PVALEF: variants seen among roughly 807,000 people sequenced by gnomAD.
PVALEF encodes parvalbumin like EF-hand containing, also known as parvalbumin-like EF-hand-containing protein.
PVALEF carries 2 observed loss-of-function variants against 1.2 expected under a neutral mutation model. The observed-to-expected ratio is 1.68, with a 90% confidence interval of 0.69 to 5.28. PVALEF has a LOEUF of 5.28. Among genes scored for constraint, PVALEF ranks in the 30% most tolerant of loss-of-function variants. The pLI is 0.06. For missense variants in PVALEF, 35 were observed against 17.7 expected (o/e 1.97, Z -1.75); for synonymous variants, 16 against 6.5 (o/e 2.47, Z -2.24).
intron 3 of PVALEF, 56 bp from the exon 4 acceptor site, chr17:81,181,067 C>T (rs972546116): frequency 3.1e-5 from 17 of 548,544 alleles, no homozygotes; most frequent in African/African-American, 1.5e-4. Context: ...CAGCATGTCT[C>T]GGGGCCCTGG....
In PVALEF at chr17:81,179,886, AG is replaced by A. The variant is rs34495615; in HGVS notation, c.-105+737del. Among the ~76,000 whole-genome samples the A allele has an allele frequency of 8.3e-3, 1,269 of 152,172 alleles. 4 individuals carry two copies. The highest frequency in any genetic ancestry group is 0.011 in the Non-Finnish European group (734 of 67,988). On this transcript the variant is annotated intron_variant, in intron 3 of 6. Transcript: ENST00000637878. Reference sequence around the variant, plus strand: ...ATCTCTAGCTGTGGAGGGTGGGTAAAGGGAGTGGGGAAACAGAGGCCTTTTG... The same window carrying A: ...ATCTCTAGCTGTGGAGGGTGGGTAAAGGAGTGGGGAAACAGAGGCCTTTTG...
intron 2 of PVALEF, among the ~76,000 whole-genome samples, chr17:81,177,470 C>T (rs1206895552): frequency 6.6e-6 from 1 of 151,042 alleles, no homozygotes; most frequent in African/African-American, 2.4e-5. Context: ...ACTGCTTGAA[C>T]CCGGGAGGCG....
chr17:81,174,675 C>T (rs1177065818), intron 2 of PVALEF, among the ~76,000 whole-genome samples: 6 of 145,344 alleles, frequency 4.1e-5, no homozygotes, highest in Middle Eastern at 4.1e-3. Flanking sequence ...GTTTGCCAGG[C>T]GCGGTGGCTC....
chr17:81,181,900 G>A (rs1191747285), intron 5 of PVALEF, 66 bp from the exon 6 acceptor site: 18 of 398,194 alleles, frequency 4.5e-5, no homozygotes, highest in South Asian at 2.6e-4. Context: ...GGGGGCGAAC[G>A]GCTCGTGAGT....
intron 1 of PVALEF, 92 bp from the exon 2 acceptor site, chr17:81,166,585 C>T (rs1237197742): frequency 4.8e-6 from 2 of 412,552 alleles, no homozygotes. Context: ...GGGGGTACTC[C>T]TAGGTGGAAA....
intron 2 of PVALEF, among the ~76,000 whole-genome samples, chr17:81,168,666 A>G (rs1477724695): frequency 6.6e-6 from 1 of 152,120 alleles, no homozygotes; most frequent in East Asian, 1.9e-4. Flanking sequence ...GAAGGAGCTG[A>G]CCGAGGAGCC....
intron 2 of PVALEF, among the ~76,000 whole-genome samples, chr17:81,177,492 G>T (rs1038594625): frequency 4.6e-5 from 7 of 150,976 alleles, no homozygotes; most frequent in African/African-American, 1.7e-4. Context: ...AGGTTGCAGG[G>T]CCGAGATCAC....
In PVALEF at chr17:81,179,170, G is replaced by T. The variant is rs776456348; in HGVS notation, c.-105+18G>T. ...AGGCAGAGGTAAGCCCTGCCAAGGA[G>T]GGGGGTGTGGGTCTCTGGCCGCTGA... On this transcript the variant is annotated intron_variant, in intron 3 of 6. Transcript: ENST00000637878. The T allele has an allele frequency of 2.8e-5, 9 of 326,344 alleles. No individual in the cohort carries two copies. Among genetic ancestry groups the T allele is most frequent in the South Asian group, 1.1e-4 (5 of 45,180 alleles). 20.2% of individuals were successfully genotyped at this position (326,344 alleles called of 1,614,324 possible).
intron 1 of PVALEF, chr17:81,166,137 G>T: frequency 3.3e-6 from 1 of 299,824 alleles, no homozygotes; most frequent in Non-Finnish European, 4.8e-6. Context: ...CGCCGCAGCC[G>T]CAGAGCCCGC....
At position 81,175,262 on chromosome 17, in the gene PVALEF, A is replaced by G. The variant is rs564591325; in HGVS notation, c.-339-3656A>G. Among the ~76,000 whole-genome samples, 6 of 152,362 alleles carry G rather than the reference A, an allele frequency of 3.9e-5. No individual in the cohort carries two copies. In the South Asian group the frequency reaches 1.2e-3, roughly 32 times the overall value. ...CAATGAAAACTACAAAACATGGCTG[A>G]AAAGAAATTAAAGAAGACATAAATA... On this transcript the variant is annotated intron_variant, in intron 2 of 6. Transcript: ENST00000637878.
chr17:81,165,687 C>T lies in PVALEF; in HGVS notation c.-568C>T, dbSNP rs765119924. On this transcript the variant is annotated 5_prime_UTR_variant, in exon 1 of 7. Transcript: ENST00000637878. Reference sequence around the variant, plus strand: ...GCCCTCCGTGCCCCAGTTACCTGTGCCCTGGAGGCAGCCACGGAGTCACGA... The same window carrying T: ...GCCCTCCGTGCCCCAGTTACCTGTGTCCTGGAGGCAGCCACGGAGTCACGA... 2.0e-6 allele frequency: 3 copies of T among 1,513,994 alleles called. No homozygotes were observed. Among genetic ancestry groups the T allele is most frequent in the South Asian group, 1.2e-5 (1 of 82,986 alleles). 93.8% of individuals were successfully genotyped at this position (1,513,994 alleles called of 1,614,324 possible).
intron 3 of PVALEF, among the ~76,000 whole-genome samples, chr17:81,180,011 C>G (rs763873268): frequency 2.0e-5 from 3 of 152,322 alleles, no homozygotes; most frequent in Non-Finnish European, 4.4e-5. Flanking sequence ...CCGGACATCC[C>G]AGCTCACTGG....
chr17:81,177,449 G>C (rs1481117316), intron 2 of PVALEF, among the ~76,000 whole-genome samples: 2 of 151,796 alleles, frequency 1.3e-5, no homozygotes, highest in Non-Finnish European at 2.9e-5. Context: ...TTGGGAGTTT[G>C]AGACAGGAGA....
chr17:81,174,715 C>A (rs1431964315), intron 2 of PVALEF, among the ~76,000 whole-genome samples: 14 of 151,944 alleles, frequency 9.2e-5, no homozygotes, highest in Non-Finnish European at 1.6e-4. Context: ...TTTGGGAGGC[C>A]AAGGCGGGTG....
intron 6 of PVALEF, among the ~76,000 whole-genome samples, chr17:81,182,309 G>C (rs1030577561): frequency 6.6e-6 from 1 of 152,248 alleles, no homozygotes; most frequent in African/African-American, 2.4e-5. Flanking sequence ...AGAGCCAGCG[G>C]GTATGGGGTC....
rs2061481212 is a variant in PVALEF at position 81,165,767 on chromosome 17, G to A, written c.-508+20G>A. ...AGGCCGGTTTGTGCTGGGGCCCAGG[G>A]CCTGCCCCTCCGAGATCTGGGGCCG... On this transcript the variant is annotated intron_variant, in intron 1 of 6. Coordinates refer to ENST00000637878, the MANE Select transcript of PVALEF (RefSeq NM_001354639.2). 1 of 1,514,192 alleles carries A rather than the reference G, an allele frequency of 6.6e-7. No homozygotes were observed. Among genetic ancestry groups the A allele is most frequent in the South Asian group, 1.2e-5 (1 of 82,262 alleles). 93.8% of individuals were successfully genotyped at this position (1,514,192 alleles called of 1,614,324 possible). A position where few individuals can be genotyped will look rare whatever the true frequency, so the allele number is the denominator to read the frequency against.
At chr17:81,180,270 G>A (rs1567838129) in intron 3 of PVALEF, among the ~76,000 whole-genome samples, 1 of 152,216 alleles carries the variant, frequency 6.6e-6, no homozygotes, top group African/African-American at 2.4e-5. Flanking sequence ...ATTCGGCCCA[G>A]CCCCTCCTCT....
intron 1 of PVALEF, chr17:81,166,122 C>A (rs1025308950): frequency 1.2e-5 from 5 of 417,252 alleles, no homozygotes; most frequent in South Asian, 1.9e-4. Flanking sequence ...GCGCCCCGCG[C>A]CCCCCGCCGC....
chr17:81,166,046 C>A, intron 1 of PVALEF: 4 of 1,369,232 alleles, frequency 2.9e-6, no homozygotes, highest in Non-Finnish European at 3.8e-6. Flanking sequence ...TCAGGACGCC[C>A]GCGGCCCCGG....
Sources: allele counts gnomAD v4.1 joint callset (sites outside exome capture counted in the v4.1 genomes callset), GRCh38; gene constraint gnomAD v4.1.1; transcripts MANE v1.5; gene names NCBI Gene and HGNC (gene_info 2026-07-23, HGNC 2026-07-21).